The following PRKAG2 variants were observed in gnomAD, a reference collection of about 807,000 sequenced individuals.
PRKAG2 encodes 5'-AMP-activated protein kinase subunit gamma-2.
In PRKAG2, 26 loss-of-function variants were observed where a neutral mutation model predicts 69.6. That is an observed-to-expected ratio of 0.37 (90% CI 0.27 to 0.52). The LOEUF is 0.52. Among genes scored for constraint, PRKAG2 ranks in the 20% least tolerant of loss-of-function variants. The pLI is 0.90. For synonymous variants in PRKAG2, 293 were observed against 285.0 expected (o/e 1.03, Z -0.28); for missense variants, 557 against 740.0 (o/e 0.75, Z 2.87).
At chr7:151,774,345 A>G (rs6965834) in intron 3 of PRKAG2, among the ~76,000 whole-genome samples, 36,271 of 152,022 alleles carry the variant, frequency 0.24, 4,711 homozygotes, top group South Asian at 0.41. Flanking sequence ...TGCTGGTCCC[A>G]AGATCAGCTG....
intron 3 of PRKAG2, among the ~76,000 whole-genome samples, chr7:151,679,402 T>C (rs1284452709): frequency 6.6e-6 from 1 of 152,162 alleles, no homozygotes; most frequent in Non-Finnish European, 1.5e-5. Flanking sequence ...ACAATGCACC[T>C]AGGACAGGCT....
chr7:151,568,223 C>T (rs1172940694), intron 11 of PRKAG2, among the ~76,000 whole-genome samples: 4 of 152,196 alleles, frequency 2.6e-5, no homozygotes, highest in African/African-American at 9.6e-5. Flanking sequence ...TTTGGACCAA[C>T]ATGGTATTCT....
rs570432042 is a variant in PRKAG2 at position 151,862,189 on chromosome 7, G to T, written c.114+14318C>A. Among the ~76,000 whole-genome samples, 8 of 113,640 alleles carry T rather than the reference G, an allele frequency of 7.0e-5. No homozygotes were observed. The South Asian group carries it at 2.5e-3, about 36-fold the overall frequency. 74.6% of individuals were successfully genotyped at this position (113,640 alleles called of 152,430 possible). A position where few individuals can be genotyped will look rare whatever the true frequency, so the allele number is the denominator to read the frequency against. On this transcript the variant is annotated intron_variant, in intron 1 of 15. Transcript: ENST00000287878. ...TGGCAGATGCCTCCTGCCAGACACAGGATGCTGTACTAGTCAATCAGCCTG... is the reference window on the plus strand; with the variant it reads ...TGGCAGATGCCTCCTGCCAGACACATGATGCTGTACTAGTCAATCAGCCTG...
chr7:151,729,016 G>A (rs991965140), intron 3 of PRKAG2, among the ~76,000 whole-genome samples: 1 of 152,058 alleles, frequency 6.6e-6, no homozygotes, highest in Non-Finnish European at 1.5e-5. Flanking sequence ...GGCCTGCTGA[G>A]TGACTCCGGG....
At chr7:151,651,681 C>T (rs1828531308) in intron 4 of PRKAG2, among the ~76,000 whole-genome samples, 1 of 152,054 alleles carries the variant, frequency 6.6e-6, no homozygotes, top group South Asian at 2.1e-4. Flanking sequence ...AAGTAGGCTC[C>T]GAAAAGTTCA....
intron 3 of PRKAG2, among the ~76,000 whole-genome samples, chr7:151,751,229 C>T (rs577186676): frequency 2.0e-5 from 3 of 151,820 alleles, no homozygotes; most frequent in Non-Finnish European, 4.4e-5. Flanking sequence ...TCCCAAGTAG[C>T]TGGGACTACA....
intron 15 of PRKAG2, chr7:151,558,445 T>C (rs1277662826): frequency 5.1e-6 from 5 of 985,192 alleles, no homozygotes; most frequent in Non-Finnish European, 6.0e-6. Flanking sequence ...GAGACGGGCC[T>C]GTATCAGCCG....
At position 151,601,911 on chromosome 7, in the gene PRKAG2, T is replaced by C. The variant is rs146056304; in HGVS notation, c.755-6457A>G. ...AGCACTACCAAGGACAAGCTCGGGG[T>C]TCGTGAATGAATAGCAGCGGCTGTC... On this transcript the variant is annotated intron_variant, in intron 5 of 15. Transcript: ENST00000287878. Among the ~76,000 whole-genome samples, 219 of 152,054 alleles carry C rather than the reference T, an allele frequency of 1.4e-3. 1 individual carries two copies. Among genetic ancestry groups the C allele is most frequent in the African/African-American group, 5.2e-3 (215 of 41,472 alleles).
At chr7:151,685,116 A>G (rs1834525310) in intron 3 of PRKAG2, among the ~76,000 whole-genome samples, 1 of 152,168 alleles carries the variant, frequency 6.6e-6, no homozygotes, top group African/African-American at 2.4e-5. Context: ...CTGAGCCTTC[A>G]GCCATTTCTT....
intron 3 of PRKAG2, among the ~76,000 whole-genome samples, chr7:151,751,279 TTTATTTAC>T (rs2074666090): frequency 6.6e-6 from 1 of 151,252 alleles, no homozygotes; most frequent in Non-Finnish European, 1.5e-5. Context: ...TATTTATTTA[TTTATTTAC>T]TTATTTTTAG....
chr7:151,857,889 G>A (rs2079825411), intron 1 of PRKAG2, among the ~76,000 whole-genome samples: 1 of 152,224 alleles, frequency 6.6e-6, no homozygotes, highest in African/African-American at 2.4e-5. Context: ...CTGTCACTAG[G>A]AAGGAATGGG....
At chr7:151,816,658 G>C (rs866223868) in intron 1 of PRKAG2, among the ~76,000 whole-genome samples, 1 of 152,216 alleles carries the variant, frequency 6.6e-6, no homozygotes, top group Non-Finnish European at 1.5e-5. Context: ...GCCATTTGGC[G>C]AAGATCGAAG....
Position 151,872,290 on chromosome 7 carries a change from G to T in PRKAG2, c.114+4217C>A, listed in dbSNP as rs1453723219. Among the ~76,000 whole-genome samples the T allele has an allele frequency of 5.3e-5, 8 of 152,292 alleles. No individual in the cohort carries two copies. The East Asian group carries it at 9.6e-4, about 18-fold the overall frequency. On this transcript the variant is annotated intron_variant, in intron 1 of 15. Coordinates refer to ENST00000287878, the MANE Select transcript of PRKAG2 (RefSeq NM_016203.4). Reference sequence around the variant, plus strand: ...AGGCCCTCGGACCCTTACCCTGGGGGGGGGCTTTTGCCAAAGTACTTGAGT... The same window carrying T: ...AGGCCCTCGGACCCTTACCCTGGGGTGGGGCTTTTGCCAAAGTACTTGAGT...
At chr7:151,595,603 C>T in intron 5 of PRKAG2, 149 bp from the exon 6 acceptor site, 1 of 681,860 alleles carries the variant, frequency 1.5e-6, no homozygotes, top group Non-Finnish European at 2.6e-6. Context: ...AGGATGCTCA[C>T]TCTCACTAAT....
chr7:151,653,674 T>C (rs536948014), intron 4 of PRKAG2, among the ~76,000 whole-genome samples: 8 of 152,252 alleles, frequency 5.3e-5, no homozygotes, highest in African/African-American at 1.9e-4. Flanking sequence ...AAACCAAGTC[T>C]CTACTAGAAA....
chr7:151,874,042 GTATA>G (rs2080287909), intron 1 of PRKAG2, among the ~76,000 whole-genome samples: 1 of 134,346 alleles, frequency 7.4e-6, no homozygotes, highest in African/African-American at 2.9e-5. Context: ...TGTATATGAT[GTATA>G]TGTATGTATA....
At chr7:151,708,385 T>C (rs1327361971) in intron 3 of PRKAG2, among the ~76,000 whole-genome samples, 2 of 152,078 alleles carry the variant, frequency 1.3e-5, no homozygotes, top group African/African-American at 4.8e-5. Flanking sequence ...CAAACCCCCA[T>C]GCCAACCTGG....
chr7:151,770,951 G>C (rs1215890195), intron 3 of PRKAG2, among the ~76,000 whole-genome samples: 1 of 152,186 alleles, frequency 6.6e-6, no homozygotes, highest in East Asian at 1.9e-4. Flanking sequence ...CCATTTTCCA[G>C]TGCAACCACA....
intron 1 of PRKAG2, among the ~76,000 whole-genome samples, chr7:151,861,634 A>C (rs537496041): frequency 2.2e-4 from 33 of 152,050 alleles, no homozygotes; most frequent in Admixed American, 1.6e-3. Flanking sequence ...CCACAGCTAC[A>C]TTCTTAGGGT....
Sources: gnomAD v4.1 joint callset for allele counts (sites outside exome capture counted in the v4.1 genomes callset) on GRCh38, gnomAD v4.1.1 for gene constraint, MANE v1.5 for transcripts, NCBI Gene and HGNC (gene_info 2026-07-23, HGNC 2026-07-21) for gene names.